SHROOM2: variants seen among roughly 807,000 people sequenced by gnomAD.
SHROOM2 encodes protein Shroom2.
A neutral mutation model predicts 75.9 loss-of-function variants in SHROOM2; 33 were observed. That is an observed-to-expected ratio of 0.43 (90% CI 0.33 to 0.58). The LOEUF (loss-of-function observed/expected upper bound fraction) is 0.58. SHROOM2 is among the 20% of genes least tolerant of loss of function. The pLI is 0.04. For missense variants in SHROOM2, 1,434 were observed against 1,461.2 expected (o/e 0.98, Z 0.30); for synonymous variants, 655 against 663.6 (o/e 0.99, Z 0.20).
At chrX:9,899,741 A>C (rs73195963) in intron 5 of SHROOM2, among the ~76,000 whole-genome samples, 150 of 112,507 alleles carry the variant, frequency 1.3e-3, no homozygotes, top group Non-Finnish European at 2.3e-3. Context: ...TACAGAATTT[A>C]GCTGTGTCTG....
chrX:9,896,800 G>A lies in SHROOM2; in HGVS notation c.2790+102G>A, dbSNP rs60989772. 2,997 of 922,344 alleles carry A rather than the reference G, an allele frequency of 3.2e-3. 53 individuals carry two copies. The African/African-American group carries it at 0.051, about 16-fold the overall frequency. The allele number at this position is 922,344 out of a possible 1,213,427, so 76.0% of individuals were successfully genotyped here. ...GCCAGGGCTACTCAGCTCCAGCTGT[G>A]CGAGCATTTACCTTTTCCAGATCTC... is the stretch of plus-strand genomic sequence containing the variant. On this transcript the variant is annotated intron_variant, in intron 4 of 9. Coordinates refer to ENST00000380913, the MANE Select transcript of SHROOM2 (RefSeq NM_001649.4).
At chrX:9,916,623 T>C (rs886067448) in intron 5 of SHROOM2, among the ~76,000 whole-genome samples, 1 of 112,480 alleles carries the variant, frequency 8.9e-6, no homozygotes, top group African/African-American at 3.2e-5. Flanking sequence ...TAGACATTTT[T>C]AAAATTCTGT....
chrX:9,878,481 C>T (rs1212399585), intron 2 of SHROOM2, among the ~76,000 whole-genome samples: 1 of 111,919 alleles, frequency 8.9e-6, no homozygotes, highest in Non-Finnish European at 1.9e-5. Context: ...CGAGGGAGAG[C>T]ACTCATGTTT....
intron 1 of SHROOM2, among the ~76,000 whole-genome samples, chrX:9,795,474 A>G (rs1370521252): frequency 8.9e-6 from 1 of 111,753 alleles, no homozygotes; most frequent in South Asian, 3.7e-4. Flanking sequence ...TGATTCTTCC[A>G]TATCTGTGAC....
At chrX:9,835,483 A>G (rs2083938996) in intron 1 of SHROOM2, among the ~76,000 whole-genome samples, 1 of 112,487 alleles carries the variant, frequency 8.9e-6, no homozygotes, top group Non-Finnish European at 1.9e-5. Flanking sequence ...GAAAACGTTA[A>G]TTCTTATGCC....
intron 1 of SHROOM2, among the ~76,000 whole-genome samples, chrX:9,789,470 G>A (rs1028020521): frequency 9.0e-6 from 1 of 111,588 alleles, no homozygotes; most frequent in African/African-American, 3.3e-5. Context: ...TTGTTAGAGA[G>A]GGGGCAGGAA....
chrX:9,885,075 T>A (rs896462390), intron 2 of SHROOM2, among the ~76,000 whole-genome samples: 19 of 111,368 alleles, frequency 1.7e-4, no homozygotes, highest in African/African-American at 6.2e-4. Flanking sequence ...ATAAATAAAA[T>A]TTTTAAATGA....
At chrX:9,829,704 C>T (rs753536999) in intron 1 of SHROOM2, among the ~76,000 whole-genome samples, 1 of 112,173 alleles carries the variant, frequency 8.9e-6, no homozygotes, top group Non-Finnish European at 1.9e-5. Context: ...AGGTGACTCA[C>T]AAGCGAAGGT....
intron 8 of SHROOM2, among the ~76,000 whole-genome samples, chrX:9,943,601 CAG>C (rs2084791007): frequency 9.0e-6 from 1 of 110,845 alleles, no homozygotes; most frequent in South Asian, 3.8e-4. Flanking sequence ...GGGAAGATGA[CAG>C]AGTTCTAGAG....
At chrX:9,795,003 C>A (rs987621281) in intron 1 of SHROOM2, among the ~76,000 whole-genome samples, 2 of 112,482 alleles carry the variant, frequency 1.8e-5, no homozygotes, top group African/African-American at 6.5e-5. Context: ...AGGTGGTGTC[C>A]ACTCTGCTGT....
chrX:9,829,645 T>A (rs1326799254), intron 1 of SHROOM2, among the ~76,000 whole-genome samples: 6 of 112,140 alleles, frequency 5.4e-5, no homozygotes, highest in Non-Finnish European at 1.1e-4. Context: ...TTTAAATATA[T>A]GGAAACAAGG....
intron 1 of SHROOM2, among the ~76,000 whole-genome samples, chrX:9,788,281 GTT>G (rs35341897): frequency 3.7e-4 from 39 of 104,425 alleles, no homozygotes; most frequent in African/African-American, 1.0e-3. Flanking sequence ...TCTTCTAATC[GTT>G]TTTTTTTTTC....
Position 9,895,724 on chromosome X carries a change from G to A in SHROOM2, c.1816G>A (p.Ala606Thr), listed in dbSNP as rs534169060. The A allele has an allele frequency of 1.7e-4, 198 of 1,193,938 alleles. 2 individuals are homozygous for A. In the South Asian group the frequency reaches 3.2e-3, roughly 19 times the overall value. The change falls in exon 4 of 10, where the codon GCC becomes ACC. Residue 606 changes from alanine (A) to threonine (T), a missense_variant. By Grantham distance (58) the Ala-to-Thr change is moderately conservative. This residue lies in a region of SHROOM2 where 1,340 missense variants were observed against 1,338.3 expected (regional missense o/e 1.00). Transcript: ENST00000380913. ...GCCTGAGAGCAGTCCAGAGGACAGC[G>A]CCACCAGACCGCCACCGTTCGACGC... ...RRPESSPEDS[A>T]TRPPPFDAHV...
chrX:9,890,799 G>GC (rs1447111506), intron 2 of SHROOM2, among the ~76,000 whole-genome samples, 178 bp from the exon 3 acceptor site: 1 of 103,891 alleles, frequency 9.6e-6, no homozygotes, highest in Non-Finnish European at 2.0e-5. Flanking sequence ...GCAGTCCCGA[G>GC]CCCCCTGCAC....
rs1462331007 is a variant in SHROOM2 at position 9,949,366 on chromosome X, G to A, written c.*2429G>A. Reference sequence around the variant, plus strand: ...CACAGCAAATGTGTGTAGATTTCATGCTCGACACTTACCACTCACCTATCA... The same window carrying A: ...CACAGCAAATGTGTGTAGATTTCATACTCGACACTTACCACTCACCTATCA... On this transcript the variant is annotated 3_prime_UTR_variant, in exon 10 of 10. Transcript: ENST00000380913. 3 of 325,184 alleles carry A rather than the reference G, an allele frequency of 9.2e-6. No individual in the cohort carries two copies. The highest frequency in any genetic ancestry group is 6.4e-5 in the Admixed American group (2 of 31,495). 26.8% of individuals were successfully genotyped at this position (325,184 alleles called of 1,213,427 possible).
At chrX:9,891,186 T>A (rs2084290005) in intron 3 of SHROOM2, 78 bp downstream of exon 3, 1 of 1,079,144 alleles carries the variant, frequency 9.3e-7, no homozygotes, top group Non-Finnish European at 1.2e-6. Context: ...GCAGAATGAT[T>A]TTGATGTTTC....
At chrX:9,860,981 T>G (rs1177974485) in intron 1 of SHROOM2, among the ~76,000 whole-genome samples, 1 of 111,889 alleles carries the variant, frequency 8.9e-6, no homozygotes, top group African/African-American at 3.3e-5. Flanking sequence ...ATATCTGGAA[T>G]AGTCAAGTTC....
chrX:9,786,447 G>A lies in SHROOM2; in HGVS notation c.-99G>A. On this transcript the variant is annotated 5_prime_UTR_variant, in exon 1 of 10. Transcript: ENST00000380913. ...GGCCGGCACTTTCTTTCCAAGTTAC[G>A]GCGCAAGTTCTGCGGCGCTCGGAGC... 3.0e-6 allele frequency: 2 copies of A among 668,885 alleles called. No individual in the cohort carries two copies. The highest frequency in any genetic ancestry group is 1.5e-4 in the South Asian group (2 of 13,150). The allele number at this position is 668,885 out of a possible 1,213,427, so 55.1% of individuals were successfully genotyped here. A position where few individuals can be genotyped will look rare whatever the true frequency, so the allele number is the denominator to read the frequency against.
intron 1 of SHROOM2, among the ~76,000 whole-genome samples, chrX:9,787,731 C>T (rs1057505824): frequency 8.9e-6 from 1 of 112,208 alleles, no homozygotes; most frequent in African/African-American, 3.2e-5. Flanking sequence ...CAGCGTCTTC[C>T]ATTCTATATT....
Sources: gnomAD v4.1 joint callset for allele counts (sites outside exome capture counted in the v4.1 genomes callset) on GRCh38, gnomAD v4.1.1 for gene constraint, gnomAD v4.1.1 regional missense constraint, MANE v1.5 for transcripts, NCBI Gene and HGNC (gene_info 2026-07-23, HGNC 2026-07-21) for gene names.